Variants in MMADHC observed in about 807,000 individuals in gnomAD.
MMADHC encodes the protein cobalamin trafficking protein CblD.
MMADHC carries 23 observed loss-of-function variants against 36.3 expected under a neutral mutation model. The observed-to-expected ratio is 0.63, with a 90% CI of 0.46 to 0.90. The LOEUF (loss-of-function observed/expected upper bound fraction) is 0.90. Ranked by LOEUF, MMADHC falls within the 40% of genes least tolerant of loss-of-function variation. The pLI, the probability that MMADHC is intolerant of heterozygous loss-of-function variation, is 0.00. For missense variants in MMADHC, 330 were observed against 348.0 expected (o/e 0.95, Z 0.41); for synonymous variants, 97 against 116.1 (o/e 0.84, Z 1.06).
At chr2:149,580,944 G>C (rs547451518) in intron 3 of MMADHC, among the ~76,000 whole-genome samples, 26 of 152,286 alleles carry the variant, frequency 1.7e-4, no homozygotes, top group Admixed American at 1.2e-3. Context: ...TACTGATGCA[G>C]ATCATGTTGA....
chr2:149,581,092 C>T (rs1035573207), intron 3 of MMADHC, among the ~76,000 whole-genome samples: 15 of 152,090 alleles, frequency 9.9e-5, no homozygotes, highest in Non-Finnish European at 2.1e-4. Context: ...AACAAGCATC[C>T]CATATTAATA....
chr2:149,572,179 T>C (rs1039680444), intron 6 of MMADHC: 9 of 416,374 alleles, frequency 2.2e-5, no homozygotes, highest in African/African-American at 1.1e-4. Flanking sequence ...GATTACAATG[T>C]TGAAATAAAG....
At chr2:149,586,695 G>T (rs186425628) in intron 2 of MMADHC, among the ~76,000 whole-genome samples, 1 of 151,772 alleles carries the variant, frequency 6.6e-6, no homozygotes, top group East Asian at 1.9e-4. Flanking sequence ...TATTTTGTAG[G>T]ATTTAGAAGG....
At chr2:149,580,471 T>A (rs1005078915) in intron 3 of MMADHC, among the ~76,000 whole-genome samples, 2 of 151,924 alleles carry the variant, frequency 1.3e-5, no homozygotes, top group East Asian at 1.9e-4. Context: ...CTTAAAACTT[T>A]AAAAAAAATC....
intron 3 of MMADHC, among the ~76,000 whole-genome samples, chr2:149,580,441 A>G (rs764383639): frequency 2.0e-5 from 3 of 152,198 alleles, no homozygotes; most frequent in South Asian, 2.1e-4. Flanking sequence ...AATATAGAAC[A>G]GACCACATTA....
At position 149,575,847 on chromosome 2, in the gene MMADHC, A is replaced by G. The variant is rs1682708794; in HGVS notation, c.479-6T>C. 6.3e-7 allele frequency: 1 copy of G among 1,591,184 alleles called. No homozygotes were observed. Among genetic ancestry groups the G allele is most frequent in the Non-Finnish European group, 8.6e-7 (1 of 1,162,536 alleles). Reference sequence around the variant, plus strand: ...TGGAAACAGTGATTCAAAATCTACAAATAAGAATAAACATTCCAGGTAGAA... The same window carrying G: ...TGGAAACAGTGATTCAAAATCTACAGATAAGAATAAACATTCCAGGTAGAA... On this transcript the variant is annotated splice_region_variant and splice_polypyrimidine_tract_variant and intron_variant, in intron 5 of 7. Transcript: ENST00000303319.
chr2:149,578,934 A>T (rs1177550634), intron 4 of MMADHC, among the ~76,000 whole-genome samples: 1 of 150,912 alleles, frequency 6.6e-6, no homozygotes, highest in Non-Finnish European at 1.5e-5. Flanking sequence ...AAAAAAACCC[A>T]AACAAACCTT....
chr2:149,582,377 C>A, intron 2 of MMADHC, 106 bp from the exon 3 acceptor site: 1 of 1,089,728 alleles, frequency 9.2e-7, no homozygotes, highest in Non-Finnish European at 1.4e-6. Flanking sequence ...TTAAAACCAA[C>A]ATTTATTCTA....
Position 149,580,698 on chromosome 2 carries a change from G to A in MMADHC, c.155-1050C>T, listed in dbSNP as rs892635511. Among the ~76,000 whole-genome samples, 8 of 152,262 alleles carry A rather than the reference G, an allele frequency of 5.3e-5. No homozygotes were observed. In the East Asian group the frequency reaches 1.5e-3, roughly 29 times the overall value. On this transcript the variant is annotated intron_variant, in intron 3 of 7. Transcript: ENST00000303319. ...TGGCTGTCTCATTCCTGGATCATGA[G>A]CCACCATATCCCTCTTCCACACTTA...
chr2:149,570,352 GA>G (rs1250709946), intron 7 of MMADHC, among the ~76,000 whole-genome samples, 184 bp from the exon 8 acceptor site: 1 of 152,018 alleles, frequency 6.6e-6, no homozygotes, highest in African/African-American at 2.4e-5. Flanking sequence ...ATGCATTCTG[GA>G]AATCTGAAAT....
intron 2 of MMADHC, among the ~76,000 whole-genome samples, chr2:149,585,242 T>C (rs1682851297): frequency 6.6e-6 from 1 of 152,158 alleles, no homozygotes; most frequent in African/African-American, 2.4e-5. Context: ...ATTTATTTTA[T>C]ATATGATTAA....
At chr2:149,570,999 A>C (rs1682630244) in intron 7 of MMADHC, 86 bp downstream of exon 7, 5 of 1,142,082 alleles carry the variant, frequency 4.4e-6, no homozygotes, top group Non-Finnish European at 6.5e-6. Context: ...AAAAAGTCTT[A>C]ATCTATTACC....
chr2:149,582,295 C>CA, intron 2 of MMADHC, 24 bp from the exon 3 acceptor site: 1 of 1,610,762 alleles, frequency 6.2e-7, no homozygotes, highest in Non-Finnish European at 8.5e-7. Flanking sequence ...AAAATTAAAA[C>CA]TATTTGTTCT....
At chr2:149,586,896 G>C in intron 2 of MMADHC, 193 bp downstream of exon 2, 1 of 625,450 alleles carries the variant, frequency 1.6e-6, no homozygotes, top group Non-Finnish European at 2.9e-6. Context: ...ATAAATAAGT[G>C]TATTTGCAGT....
chr2:149,575,004 G>A (rs943839719), intron 6 of MMADHC, among the ~76,000 whole-genome samples: 2 of 152,064 alleles, frequency 1.3e-5, no homozygotes, highest in African/African-American at 2.4e-5. Context: ...ACAGTGCCCA[G>A]GTTGGTCTCA....
Position 149,579,614 on chromosome 2 carries a change from T to G in MMADHC, c.189A>C (p.Gly63=). The G allele has an allele frequency of 6.2e-7, 1 of 1,613,892 alleles. No homozygotes were observed. The highest frequency in any genetic ancestry group is 8.5e-7 in the Non-Finnish European group (1 of 1,179,930). Reference sequence around the variant, plus strand: ...ACCTCTGATCTTGAGGTCCAAAGGGTCCCATAGTTTCATCAGGCCACACTG... The same window carrying G: ...ACCTCTGATCTTGAGGTCCAAAGGGGCCCATAGTTTCATCAGGCCACACTG... ...SRTVWPDETM[G]PFGPQDQRFQ... The change falls in exon 4 of 8, where the codon GGA becomes GGC. Residue 63 remains glycine (G), a synonymous_variant. Transcript: ENST00000303319.
In MMADHC at chr2:149,576,338, T is replaced by C. The variant is rs1056855802; in HGVS notation, c.478+99A>G. Reference sequence around the variant, plus strand: ...ATTTCCAGCCAGATACGGTAAAATATAATATTAAGGTATACAGCGTTCCAA... The same window carrying C: ...ATTTCCAGCCAGATACGGTAAAATACAATATTAAGGTATACAGCGTTCCAA... On this transcript the variant is annotated intron_variant, in intron 5 of 7. Coordinates refer to ENST00000303319, the MANE Select transcript of MMADHC (RefSeq NM_015702.3). 1.5e-5 allele frequency: 13 copies of C among 842,746 alleles called. No individual in the cohort carries two copies. In the African/African-American group the frequency reaches 2.0e-4, roughly 13 times the overall value. 52.2% of individuals were successfully genotyped at this position (842,746 alleles called of 1,614,324 possible).
intron 3 of MMADHC, 107 bp downstream of exon 3, chr2:149,582,020 A>G: frequency 7.9e-7 from 1 of 1,271,324 alleles, no homozygotes; most frequent in Non-Finnish European, 1.1e-6. Flanking sequence ...CTGAACAAAC[A>G]CAACTTTAGA....
chr2:149,571,054 A>C, intron 7 of MMADHC, 31 bp downstream of exon 7: 1 of 1,466,942 alleles, frequency 6.8e-7, no homozygotes, highest in Non-Finnish European at 9.6e-7. Flanking sequence ...TCTACTTCAT[A>C]TAATCTGATT....
Sources: allele counts gnomAD v4.1 joint callset (sites outside exome capture counted in the v4.1 genomes callset), GRCh38; gene constraint gnomAD v4.1.1; transcripts MANE v1.5; gene names NCBI Gene and HGNC (gene_info 2026-07-23, HGNC 2026-07-21).